CADM2: variants seen among roughly 807,000 people sequenced by gnomAD.
CADM2 encodes the protein immunoglobulin superfamily member 4D.
Under a neutral mutation model 49.8 loss-of-function variants are expected in CADM2, and 12 were observed. The ratio of observed to expected loss-of-function variants is 0.24; its 90% CI spans 0.15 to 0.39. CADM2 has a LOEUF of 0.39. Ranked by LOEUF, CADM2 falls within the 10% of genes least tolerant of loss-of-function variation. The pLI is 1.00. For synonymous variants in CADM2, 214 were observed against 175.4 expected (o/e 1.22, Z -1.74); for missense variants, 378 against 492.3 (o/e 0.77, Z 2.20).
intron 1 of CADM2, among the ~76,000 whole-genome samples, chr3:85,132,642 A>ATATATTTT (rs533231548): frequency 6.6e-6 from 1 of 151,518 alleles, no homozygotes; most frequent in Non-Finnish European, 1.5e-5. Flanking sequence ...ATATATATAT[A>ATATATTTT]TTTAGTCATT....
chr3:85,199,217 G>C (rs188123026), intron 1 of CADM2, among the ~76,000 whole-genome samples: 241 of 152,036 alleles, frequency 1.6e-3, no homozygotes, highest in African/African-American at 5.4e-3. Context: ...CAATTGGTGA[G>C]AATAGCTATT....
At chr3:85,595,254 C>A (rs1352163297) in intron 1 of CADM2, among the ~76,000 whole-genome samples, 1 of 151,874 alleles carries the variant, frequency 6.6e-6, no homozygotes, top group Non-Finnish European at 1.5e-5. Context: ...TATGGAGGTG[C>A]CCTAAGGTTC....
intron 1 of CADM2, among the ~76,000 whole-genome samples, chr3:85,720,329 A>G (rs1474538954): frequency 6.6e-6 from 1 of 152,194 alleles, no homozygotes; most frequent in Non-Finnish European, 1.5e-5. Context: ...CTGAGGAGGA[A>G]TATAATATCT....
intron 3 of CADM2, among the ~76,000 whole-genome samples, chr3:85,861,012 G>C (rs987109612): frequency 5.9e-5 from 9 of 152,120 alleles, no homozygotes; most frequent in South Asian, 2.1e-4. Flanking sequence ...AGAAGTGATG[G>C]GAAGAAAGAG....
chr3:85,994,179 G>C (rs1056728915), intron 8 of CADM2: 16 of 152,152 alleles, frequency 1.1e-4, no homozygotes, highest in African/African-American at 3.9e-4. Context: ...AGATGTTCTG[G>C]ATAACATGCT....
chr3:85,086,226 G>A (rs1333822868), intron 1 of CADM2, among the ~76,000 whole-genome samples: 2 of 151,968 alleles, frequency 1.3e-5, no homozygotes, highest in African/African-American at 4.8e-5. Flanking sequence ...AGCTCATACA[G>A]AAATAAGAGT....
intron 3 of CADM2, among the ~76,000 whole-genome samples, chr3:85,859,393 G>A (rs1054990641): frequency 6.6e-6 from 1 of 151,696 alleles, no homozygotes; most frequent in African/African-American, 2.4e-5. Context: ...ACCACGCCAG[G>A]CTAATTTTTT....
At chr3:85,899,518 A>G (rs923237939) in intron 5 of CADM2, among the ~76,000 whole-genome samples, 2 of 152,026 alleles carry the variant, frequency 1.3e-5, no homozygotes, top group African/African-American at 4.8e-5. Flanking sequence ...TCTTTGAATG[A>G]ATTATGGTTT....
At chr3:85,809,657 TCC>T (rs1491229192) in intron 3 of CADM2, among the ~76,000 whole-genome samples, 58 of 144,558 alleles carry the variant, frequency 4.0e-4, no homozygotes, top group Middle Eastern at 7.3e-3. Flanking sequence ...AAACATTTTC[TCC>T]CTTCCTTCCT....
At chr3:85,444,452 C>CAA (rs1216082900) in intron 1 of CADM2, among the ~76,000 whole-genome samples, 3 of 151,520 alleles carry the variant, frequency 2.0e-5, no homozygotes, top group Non-Finnish European at 2.9e-5. Flanking sequence ...CTCACACACA[C>CAA]ACACACACAC....
At chr3:85,550,694 C>T (rs2061780653) in intron 1 of CADM2, among the ~76,000 whole-genome samples, 1 of 152,180 alleles carries the variant, frequency 6.6e-6, no homozygotes, top group South Asian at 2.1e-4. Context: ...ACCCTATTCT[C>T]ACCAAAATGT....
At chr3:85,715,554 G>A (rs1453058013) in intron 1 of CADM2, among the ~76,000 whole-genome samples, 1 of 152,122 alleles carries the variant, frequency 6.6e-6, no homozygotes, top group Non-Finnish European at 1.5e-5. Flanking sequence ...TGTGCAGAAC[G>A]TGCAGGTTTG....
At chr3:85,995,959 G>T (rs567459118) in intron 8 of CADM2, among the ~76,000 whole-genome samples, 5 of 151,574 alleles carry the variant, frequency 3.3e-5, no homozygotes, top group Admixed American at 6.6e-5. Context: ...GCGTGGTGGC[G>T]GTCGCCTGTA....
rs186772854 is a variant in CADM2, at chr3:85,429,538, A to G, written c.62-296984A>G. Reference sequence around the variant, plus strand: ...TTTTTTTGATGCAAGTTATTCTTGTATAAAATGAAATGGTTGGTTATATTC... The same window carrying G: ...TTTTTTTGATGCAAGTTATTCTTGTGTAAAATGAAATGGTTGGTTATATTC... On this transcript the variant is annotated intron_variant, in intron 1 of 9. Coordinates refer to ENST00000383699, the MANE Select transcript of CADM2 (RefSeq NM_001167675.2). Among the ~76,000 whole-genome samples the G allele has an allele frequency of 5.8e-3, 883 of 152,230 alleles. 35 individuals are homozygous for G. Among genetic ancestry groups the G allele is most frequent in the Admixed American group, 0.049 (748 of 15,274 alleles).
At chr3:85,975,151 G>A (rs1726619758) in intron 8 of CADM2, among the ~76,000 whole-genome samples, 1 of 151,250 alleles carries the variant, frequency 6.6e-6, no homozygotes, top group Admixed American at 6.6e-5. Flanking sequence ...GGATCTGTAT[G>A]AATTCATTTC....
chr3:85,097,899 T>C (rs1344831302), intron 1 of CADM2, among the ~76,000 whole-genome samples: 1 of 152,202 alleles, frequency 6.6e-6, no homozygotes, highest in African/African-American at 2.4e-5. Flanking sequence ...AATCAGGTGG[T>C]GTGCTTGTTT....
chr3:85,509,611 G>A (rs1285367191), intron 1 of CADM2, among the ~76,000 whole-genome samples: 1 of 151,960 alleles, frequency 6.6e-6, no homozygotes, highest in African/African-American at 2.4e-5. Flanking sequence ...CATCCATGAG[G>A]GCAGTGATGG....
At chr3:85,396,665 C>T (rs2034809585) in intron 1 of CADM2, among the ~76,000 whole-genome samples, 1 of 151,762 alleles carries the variant, frequency 6.6e-6, no homozygotes, top group Non-Finnish European at 1.5e-5. Context: ...AAGCCAATGG[C>T]AAAAGGACAG....
chr3:85,428,918 G>A (rs552088234), intron 1 of CADM2, among the ~76,000 whole-genome samples: 6 of 151,742 alleles, frequency 4.0e-5, no homozygotes, highest in African/African-American at 1.4e-4. Context: ...TAATTCTTGA[G>A]GTGAAAATCA....
Sources: allele counts gnomAD v4.1 joint callset (sites outside exome capture counted in the v4.1 genomes callset), GRCh38; gene constraint gnomAD v4.1.1; transcripts MANE v1.5; gene names NCBI Gene and HGNC (gene_info 2026-07-23, HGNC 2026-07-21).